The following ANKRD13D variants were observed in gnomAD, a reference collection of about 807,000 sequenced individuals.
ANKRD13D encodes ankyrin repeat domain 13D.
Under a neutral mutation model 68.8 loss-of-function variants are expected in ANKRD13D, and 24 were observed. The observed-to-expected ratio is 0.35, with a 90% confidence interval of 0.25 to 0.49. The LOEUF (loss-of-function observed/expected upper bound fraction) is 0.49. ANKRD13D is among the 20% of genes least tolerant of loss of function. The probability of loss-of-function intolerance (pLI) is 0.99; values close to 1 mark genes in which losing one functional copy is unlikely to be tolerated. For synonymous variants in ANKRD13D, 331 were observed against 336.1 expected (o/e 0.98, Z 0.16); for missense variants, 735 against 832.1 (o/e 0.88, Z 1.44).
Position 67,290,417 on chromosome 11 carries a change from A to C in ANKRD13D, c.322A>C (p.Ile108Leu). The C allele has an allele frequency of 6.3e-7, 1 of 1,589,558 alleles. No homozygotes were observed. The highest frequency in any genetic ancestry group is 8.5e-7 in the Non-Finnish European group (1 of 1,169,686). The change falls in exon 3 of 15, where the codon ATT becomes CTT. Residue 108 changes from isoleucine (I) to leucine (L), a missense_variant. Coordinates refer to ENST00000511455, the MANE Select transcript of ANKRD13D (RefSeq NM_207354.3). ...GAGGGCCACGCAGAGGCTGGCGGGC[A>C]TTCCGGAACTGCTCAACAAACTTCG... Reference protein sequence around the residue: ...YQRATQRLAGIPELLNKLRQA... With the variant: ...YQRATQRLAGLPELLNKLRQA...
Position 67,299,244 on chromosome 11 carries a change from C to A in ANKRD13D, c.798+120C>A. ...TGGAAACCCTGAGCATTTGTGGGAA[C>A]TCAGCGGGCCTGAGTGCCCAGCCCC... On this transcript the variant is annotated intron_variant, in intron 7 of 14. Coordinates refer to ENST00000511455, the MANE Select transcript of ANKRD13D (RefSeq NM_207354.3). This position sits in a 1 kb window ranked among gnomAD's most constrained non-coding sequence, Gnocchi z 6.2. The A allele has an allele frequency of 7.9e-7, 1 of 1,270,622 alleles. No homozygotes were observed. The highest frequency in any genetic ancestry group is 1.1e-6 in the Non-Finnish European group (1 of 891,516). 78.7% of individuals were successfully genotyped at this position (1,270,622 alleles called of 1,614,324 possible).
chr11:67,297,564 C>T (rs528161874), intron 6 of ANKRD13D, among the ~76,000 whole-genome samples: 4 of 145,142 alleles, frequency 2.8e-5, no homozygotes, highest in South Asian at 4.3e-4. Context: ...CTTGCTCTGT[C>T]GCCCAGGCTG....
chr11:67,302,184 C>T lies in ANKRD13D; in HGVS notation c.1670C>T (p.Pro557Leu), dbSNP rs760857878. The T allele has an allele frequency of 5.6e-6, 9 of 1,594,662 alleles. No homozygotes were observed. The African/African-American group carries it at 1.1e-4, about 19-fold the overall frequency. The change falls in exon 15 of 15, where the codon CCC becomes CTC. Residue 557 changes from proline (P) to leucine (L), a missense_variant. Pro to Leu is a moderately conservative substitution (Grantham distance 98, BLOSUM62 -3). Transcript: ENST00000511455. ...PRGPGSPPRT[P>L]PAPGPPSFEE... ...GGCCCAGGATCCCCTCCCAGGACAC[C>T]CCCAGCCCCCGGTCCACCCAGCTTT...
intron 6 of ANKRD13D, among the ~76,000 whole-genome samples, chr11:67,293,076 T>G (rs1860640152): frequency 6.6e-6 from 1 of 152,232 alleles, no homozygotes; most frequent in African/African-American, 2.4e-5. Flanking sequence ...ATTTGCATTA[T>G]TTGGCTTATG....
rs770409852 is a variant in ANKRD13D, at chr11:67,290,317, C to G, written c.227-5C>G. On this transcript the variant is annotated splice_polypyrimidine_tract_variant and splice_region_variant and intron_variant, in intron 2 of 14. Coordinates refer to ENST00000511455, the MANE Select transcript of ANKRD13D (RefSeq NM_207354.3). ...GGGCTCCCCTCAGCAGCCTGGTGCCCGCAGTCCTGCAGGAGGCAGTCAGCA... is the reference window on the plus strand; with the variant it reads ...GGGCTCCCCTCAGCAGCCTGGTGCCGGCAGTCCTGCAGGAGGCAGTCAGCA... 3 of 1,549,858 alleles carry G rather than the reference C, an allele frequency of 1.9e-6. No individual in the cohort carries two copies. The highest frequency in any genetic ancestry group is 1.2e-5 in the South Asian group (1 of 84,004).
In ANKRD13D at chr11:67,289,419, C is replaced by T; in HGVS notation, c.-42C>T. 1 of 1,396,922 alleles carries T rather than the reference C, an allele frequency of 7.2e-7. No homozygotes were observed. The highest frequency in any genetic ancestry group is 1.5e-5 in the African/African-American group (1 of 66,162). 86.5% of individuals were successfully genotyped at this position (1,396,922 alleles called of 1,614,324 possible). ...GGGAGGCTAGGGGGCCGTGCCAGGC[C>T]CGAAGCCGAGGCGGGGCCGGGATGC... On this transcript the variant is annotated 5_prime_UTR_variant, in exon 1 of 15. Transcript: ENST00000511455.
intron 6 of ANKRD13D, chr11:67,298,749 G>A (rs1860858743): frequency 5.2e-6 from 2 of 385,662 alleles, no homozygotes. Context: ...CATCCCAGAT[G>A]TCCTAATGTT....
intron 3 of ANKRD13D, 76 bp downstream of exon 3, chr11:67,290,522 T>C (rs1860490246): frequency 6.7e-7 from 1 of 1,489,540 alleles, no homozygotes; most frequent in Non-Finnish European, 9.0e-7. Flanking sequence ...GGCCTGGCCT[T>C]GGAAAGGCAC....
rs1423631914 is a variant in ANKRD13D, at chr11:67,302,003, C to G, written c.1605-116C>G. 3.6e-6 allele frequency: 5 copies of G among 1,384,862 alleles called. No individual in the cohort carries two copies. In the African/African-American group the frequency reaches 7.3e-5, roughly 20 times the overall value. 85.8% of individuals were successfully genotyped at this position (1,384,862 alleles called of 1,614,324 possible). ...GAAGCAGGGCCCTGCCTTGTCTCCTCTGCTTGCCACCCTGTCTTTGCCTTT... is the reference window on the plus strand; with the variant it reads ...GAAGCAGGGCCCTGCCTTGTCTCCTGTGCTTGCCACCCTGTCTTTGCCTTT... On this transcript the variant is annotated intron_variant, in intron 14 of 14. Coordinates refer to ENST00000511455, the MANE Select transcript of ANKRD13D (RefSeq NM_207354.3).
In ANKRD13D at chr11:67,301,703, G is replaced by T. The variant is rs747896765; in HGVS notation, c.1513-29G>T. ...TGGCCTCTGCAGCCACACGGCAGAA[G>T]TGACAGCTGTGGGCTCTGGTGGCTG... is the stretch of plus-strand genomic sequence containing the variant. On this transcript the variant is annotated intron_variant, in intron 13 of 14. Transcript: ENST00000511455. The surrounding 1 kb of genome is among the most constrained non-coding windows in gnomAD (Gnocchi z 4.5). 3 of 1,611,378 alleles carry T rather than the reference G, an allele frequency of 1.9e-6. No individual in the cohort carries two copies. The Admixed American group carries it at 5.0e-5, about 27-fold the overall frequency.
Position 67,299,490 on chromosome 11 carries a change from G to A in ANKRD13D, c.799-40G>A. 6.6e-7 allele frequency: 1 copy of A among 1,515,054 alleles called. No homozygotes were observed. The highest frequency in any genetic ancestry group is 9.0e-7 in the Non-Finnish European group (1 of 1,115,830). The allele number at this position is 1,515,054 out of a possible 1,614,324, so 93.9% of individuals were successfully genotyped here. A position where few individuals can be genotyped will look rare whatever the true frequency, so the allele number is the denominator to read the frequency against. ...CTGGTGAGGCTGAGTGTGGGGAGCA[G>A]GCTCTGAGCCCCCAGCTCCCCGTGT... On this transcript the variant is annotated intron_variant, in intron 7 of 14. Transcript: ENST00000511455. This position sits in a 1 kb window ranked among gnomAD's most constrained non-coding sequence, Gnocchi z 6.2.
chr11:67,296,102 G>A (rs1024451463), intron 6 of ANKRD13D, among the ~76,000 whole-genome samples: 1 of 152,102 alleles, frequency 6.6e-6, no homozygotes, highest in Non-Finnish European at 1.5e-5. Flanking sequence ...CTTTTCATAT[G>A]TTGCTAGATT....
rs1437924077 is a variant in ANKRD13D at position 67,301,676 on chromosome 11, T to C, written c.1512+25T>C. The C allele has an allele frequency of 1.2e-6, 2 of 1,611,024 alleles. No homozygotes were observed. Among genetic ancestry groups the C allele is most frequent in the Admixed American group, 1.7e-5 (1 of 59,908 alleles). ...GGTGGGACTTGCCCAGGGGGTGGGC[T>C]CTGGCCTCTGCAGCCACACGGCAGA... is the stretch of plus-strand genomic sequence containing the variant. On this transcript the variant is annotated intron_variant, in intron 13 of 14. Coordinates refer to ENST00000511455, the MANE Select transcript of ANKRD13D (RefSeq NM_207354.3). This position sits in a 1 kb window ranked among gnomAD's most constrained non-coding sequence, Gnocchi z 4.5.
Position 67,300,944 on chromosome 11 carries a change from G to A in ANKRD13D, c.1074-46G>A, listed in dbSNP as rs756204776. The A allele has an allele frequency of 8.7e-6, 14 of 1,605,308 alleles. No individual in the cohort carries two copies. Among genetic ancestry groups the A allele is most frequent in the Middle Eastern group, 1.7e-4 (1 of 6,040 alleles). Reference sequence around the variant, plus strand: ...AACCAGAGGGCAGTCCTCAATGGAAGGGCCACCAGCCGTGCCTCACCCATG... The same window carrying A: ...AACCAGAGGGCAGTCCTCAATGGAAAGGCCACCAGCCGTGCCTCACCCATG... On this transcript the variant is annotated intron_variant, in intron 10 of 14. Coordinates refer to ENST00000511455, the MANE Select transcript of ANKRD13D (RefSeq NM_207354.3). This position sits in a 1 kb window ranked among gnomAD's most constrained non-coding sequence, Gnocchi z 4.3.
chr11:67,300,567 T>G lies in ANKRD13D; in HGVS notation c.1074-423T>G. 5.7e-6 allele frequency: 2 copies of G among 349,344 alleles called. No individual in the cohort carries two copies. The highest frequency in any genetic ancestry group is 5.2e-6 in the Non-Finnish European group (1 of 191,788). The allele number at this position is 349,344 out of a possible 1,614,324, so 21.6% of individuals were successfully genotyped here. On this transcript the variant is annotated intron_variant, in intron 10 of 14. Transcript: ENST00000511455. This position sits in a 1 kb window ranked among gnomAD's most constrained non-coding sequence, Gnocchi z 4.3. The stretch of plus-strand genomic sequence containing the variant: ...CGCTCTCCCCACCATCTCAGGAGGA[T>G]TCTCTTAGCCACCCAACAGTCGCTG...
At chr11:67,289,803 A>T in intron 1 of ANKRD13D, 1 of 1,422,192 alleles carries the variant, frequency 7.0e-7, no homozygotes, top group South Asian at 1.5e-5. Context: ...CAAGCTGAGA[A>T]CAAGAACTCT....
At position 67,301,820 on chromosome 11, in the gene ANKRD13D, A is replaced by T; in HGVS notation, c.1601A>T (p.Glu534Val). 1 of 1,593,746 alleles carries T rather than the reference A, an allele frequency of 6.3e-7. No individual in the cohort carries two copies. The highest frequency in any genetic ancestry group is 8.5e-7 in the Non-Finnish European group (1 of 1,170,758). ...GTTTATGAGGAACAGCTTCAGCTGGAGCGGTGAGCCCCTCATGGGGCTGGC... is the reference window on the plus strand; with the variant it reads ...GTTTATGAGGAACAGCTTCAGCTGGTGCGGTGAGCCCCTCATGGGGCTGGC... The part of the protein sequence containing the change: ...ATVYEEQLQL[E>V]RALQESLQLS... The change falls in exon 14 of 15, where the codon GAG becomes GTG. Residue 534 changes from glutamate to valine, a missense_variant. Physicochemically the swap from Glu to Val is moderately radical, Grantham distance 121. Transcript: ENST00000511455. This position sits in a 1 kb window ranked among gnomAD's most constrained non-coding sequence, Gnocchi z 4.5.
chr11:67,291,366 A>G, intron 3 of ANKRD13D, 110 bp from the exon 4 acceptor site: 6 of 1,133,274 alleles, frequency 5.3e-6, no homozygotes, highest in Non-Finnish European at 7.3e-6. Context: ...AAAAAAAAAA[A>G]AAAAAAAAAG....
Position 67,302,481 on chromosome 11 carries a change from A to G in ANKRD13D, c.*149A>G, listed in dbSNP as rs536724848. Reference sequence around the variant, plus strand: ...GAGATGGAAATAAAGAGACTGTCGCAGCAGGGCTGCTCTGCTCACTGGGCT... The same window carrying G: ...GAGATGGAAATAAAGAGACTGTCGCGGCAGGGCTGCTCTGCTCACTGGGCT... On this transcript the variant is annotated 3_prime_UTR_variant, in exon 15 of 15. Transcript: ENST00000511455. 8.0e-6 allele frequency: 10 copies of G among 1,249,968 alleles called. No homozygotes were observed. The East Asian group carries it at 2.1e-4, about 26-fold the overall frequency. 77.4% of individuals were successfully genotyped at this position (1,249,968 alleles called of 1,614,324 possible). A position where few individuals can be genotyped will look rare whatever the true frequency, so the allele number is the denominator to read the frequency against.
Sources: gnomAD v4.1 joint callset for allele counts (sites outside exome capture counted in the v4.1 genomes callset) on GRCh38, gnomAD v4.1.1 for gene constraint, Gnocchi (gnomAD v3.1) non-coding constraint, MANE v1.5 for transcripts, NCBI Gene and HGNC (gene_info 2026-07-23, HGNC 2026-07-21) for gene names.